ABCC2: variants seen among roughly 807,000 people sequenced by gnomAD.
ABCC2 encodes ATP-binding cassette sub-family C member 2.
A neutral mutation model predicts 173.4 loss-of-function variants in ABCC2; 157 were observed. The ratio of observed to expected loss-of-function variants is 0.91; its 90% CI spans 0.80 to 1.03. ABCC2 has a LOEUF of 1.03. Ranked by LOEUF, ABCC2 falls within the 50% of genes least tolerant of loss-of-function variation. ABCC2 has a pLI of 0.00. For missense variants in ABCC2, 1,822 were observed against 1,852.3 expected (o/e 0.98, Z 0.30); for synonymous variants, 657 against 693.5 (o/e 0.95, Z 0.83).
At chr10:99,831,956 C>A (rs764515783) in intron 22 of ABCC2, 21 bp from the exon 23 acceptor site, 3 of 1,614,212 alleles carry the variant, frequency 1.9e-6, no homozygotes, top group South Asian at 2.2e-5. Flanking sequence ...ATGGTGCTGA[C>A]AAAACTGCTT....
At chr10:99,849,722 A>C (rs910702929) in intron 30 of ABCC2, among the ~76,000 whole-genome samples, 3 of 152,220 alleles carry the variant, frequency 2.0e-5, no homozygotes, top group Non-Finnish European at 2.9e-5. Context: ...CTTACATTAC[A>C]GGGGAAAACT....
rs768107772 is a variant in ABCC2 at position 99,794,394 on chromosome 10, A to AT, written c.577-12dup. The stretch of plus-strand genomic sequence containing the variant: ...CTGTCTCCAATTGGTTTACATTTCG[A>AT]TTTTTTTGTGTCTTTCAGAATCCAT... On this transcript the variant is annotated intron_variant, in intron 5 of 31. Coordinates refer to ENST00000647814, the MANE Select transcript of ABCC2 (RefSeq NM_000392.5). 1.9e-6 allele frequency: 3 copies of AT among 1,612,022 alleles called. No homozygotes were observed. In the Admixed American group the frequency reaches 5.0e-5, roughly 27 times the overall value.
At position 99,797,268 on chromosome 10, in the gene ABCC2, C is replaced by A; in HGVS notation, c.804C>A (p.Asn268Lys). ...QRRQEKSSQQNSGARLPGLNK... is the reference protein window; with the variant it reads ...QRRQEKSSQQKSGARLPGLNK... ...GGCAGGAGAAGAGCTCCCAGCAGAA[C>A]TCTGGAGCCAGGCTGCCTGGCTTGA... The change falls in exon 7 of 32, where the codon AAC becomes AAA. Residue 268 changes from asparagine to lysine, a missense_variant. Physicochemically the swap from Asn to Lys is moderately conservative, Grantham distance 94 (BLOSUM62 0). Coordinates refer to ENST00000647814, the MANE Select transcript of ABCC2 (RefSeq NM_000392.5). 1 of 1,614,030 alleles carries A rather than the reference C, an allele frequency of 6.2e-7. No individual in the cohort carries two copies. The highest frequency in any genetic ancestry group is 8.5e-7 in the Non-Finnish European group (1 of 1,179,964).
rs1055485523 is a variant in ABCC2 at position 99,813,077 on chromosome 10, G to A, written c.2027G>A (p.Gly676Glu). The A allele has an allele frequency of 1.9e-6, 3 of 1,614,042 alleles. No homozygotes were observed. The Admixed American group carries it at 5.0e-5, about 27-fold the overall frequency. The stretch of plus-strand genomic sequence containing the variant: ...GCTGTGATAGGCCCTGTCGGCTCTG[G>A]GAAATCCTCCTTGATATCAGCCATG... ...LVAVIGPVGS[G>E]KSSLISAMLG... Residue 676 changes from glycine to glutamate, a missense_variant, in exon 16 of 32, where the codon GGG (glycine) becomes GAG (glutamate). By Grantham distance (98) the Gly-to-Glu change is moderately conservative. Transcript: ENST00000647814.
chr10:99,818,739 T>C, intron 17 of ABCC2, 51 bp from the exon 18 acceptor site: 1 of 1,602,804 alleles, frequency 6.2e-7, no homozygotes, highest in Non-Finnish European at 8.5e-7. Flanking sequence ...TTAGATTCTG[T>C]GAAGGTGGAT....
At chr10:99,792,177 T>C in intron 2 of ABCC2, 57 bp from the exon 3 acceptor site, 1 of 1,608,998 alleles carries the variant, frequency 6.2e-7, no homozygotes, top group Non-Finnish European at 8.5e-7. Context: ...ACCATTCTGT[T>C]CTAAGAGCCT....
chr10:99,814,223 A>G (rs573859127), intron 16 of ABCC2, among the ~76,000 whole-genome samples: 2,536 of 70,142 alleles, frequency 0.036, 479 homozygotes, highest in Middle Eastern at 0.073. Context: ...GTGTATATAT[A>G]CACACATGTG....
rs1018285054 is a variant in ABCC2 at position 99,850,717 on chromosome 10, A to G, written c.4429A>G (p.Thr1477Ala). ...VDLETDNLIQ[T>A]TIQNEFAHCT... ...TCTAGAGACAGACAACCTCATTCAG[A>G]CGACCATCCAAAACGAGTTCGCCCA... The change falls in exon 31 of 32, where the codon ACG (threonine) becomes GCG (alanine). Residue 1477 changes from threonine to alanine, a missense_variant. By Grantham distance (58) the Thr-to-Ala change is moderately conservative. Coordinates refer to ENST00000647814, the MANE Select transcript of ABCC2 (RefSeq NM_000392.5). 43 of 1,614,062 alleles carry G rather than the reference A, an allele frequency of 2.7e-5. No homozygotes were observed. Among genetic ancestry groups the G allele is most frequent in the Middle Eastern group, 1.6e-4 (1 of 6,084 alleles).
chr10:99,819,234 T>A lies in ABCC2; in HGVS notation c.2585T>A (p.Phe862Tyr), dbSNP rs764373164. 2 of 1,614,026 alleles carry A rather than the reference T, an allele frequency of 1.2e-6. No homozygotes were observed. The highest frequency in any genetic ancestry group is 4.5e-5 in the East Asian group (2 of 44,874). The change falls in exon 19 of 32, where the codon TTT becomes TAT. Residue 862 changes from phenylalanine to tyrosine, a missense_variant. Physicochemically the swap from Phe to Tyr is conservative, Grantham distance 22. Coordinates refer to ENST00000647814, the MANE Select transcript of ABCC2 (RefSeq NM_000392.5). ...GAGTTTGCTAAGAATCTGAAGACAT[T>A]TCTAAGACATACAGGCCCTGAAGAG... The part of the protein sequence containing the change: ...KGEFAKNLKT[F>Y]LRHTGPEEEA...
In ABCC2 at chr10:99,797,480, C is replaced by T. The variant is rs7922864; in HGVS notation, c.867+149C>T. The T allele has an allele frequency of 2.2e-3, 1,583 of 727,920 alleles. 17 individuals are homozygous for T. In the African/African-American group the frequency reaches 0.023, roughly 10 times the overall value. 45.1% of individuals were successfully genotyped at this position (727,920 alleles called of 1,614,324 possible). A position where few individuals can be genotyped will look rare whatever the true frequency, so the allele number is the denominator to read the frequency against. ...ATTAATGGTATTCACAATACTGATACTACCTTAGTGATGGATACATGGCGT... is the reference window on the plus strand; with the variant it reads ...ATTAATGGTATTCACAATACTGATATTACCTTAGTGATGGATACATGGCGT... On this transcript the variant is annotated intron_variant, in intron 7 of 31. Transcript: ENST00000647814.
At chr10:99,820,031 G>A (rs1430811929) in intron 19 of ABCC2, among the ~76,000 whole-genome samples, 1 of 152,212 alleles carries the variant, frequency 6.6e-6, no homozygotes, top group Non-Finnish European at 1.5e-5. Flanking sequence ...AGATGAGGGA[G>A]TAGCTACACA....
rs749193170 is a variant in ABCC2 at position 99,800,420 on chromosome 10, T to C, written c.1066T>C (p.Tyr356His). The C allele has an allele frequency of 6.2e-7, 1 of 1,614,162 alleles. No homozygotes were observed. The highest frequency in any genetic ancestry group is 1.7e-5 in the Admixed American group (1 of 60,008). The change falls in exon 9 of 32, where the codon TAT (tyrosine) becomes CAT (histidine). Residue 356 changes from tyrosine (Y) to histidine (H), a missense_variant. Physicochemically the swap from Tyr to His is moderately conservative, Grantham distance 83. Transcript: ENST00000647814. ...LISFASDRDTYLWIGYLCAIL... is the reference protein window; with the variant it reads ...LISFASDRDTHLWIGYLCAIL... Reference sequence around the variant, plus strand: ...CTCCTTTGCAAGTGACCGTGACACATATTTGTGGATTGGATATCTCTGTGC... The same window carrying C: ...CTCCTTTGCAAGTGACCGTGACACACATTTGTGGATTGGATATCTCTGTGC...
intron 9 of ABCC2, among the ~76,000 whole-genome samples, chr10:99,802,237 A>C (rs1045890585): frequency 3.9e-5 from 6 of 152,356 alleles, no homozygotes; most frequent in Non-Finnish European, 8.8e-5. Flanking sequence ...GAGTGGAAGA[A>C]AATTACTAAT....
At chr10:99,809,824 G>T (rs1392757201) in intron 13 of ABCC2, among the ~76,000 whole-genome samples, 1 of 152,198 alleles carries the variant, frequency 6.6e-6, no homozygotes, top group African/African-American at 2.4e-5. Context: ...AAAGCCAGGG[G>T]CCTAGTTACC....
chr10:99,850,618 C>T lies in ABCC2; in HGVS notation c.4330C>T (p.Leu1444=). The T allele has an allele frequency of 1.9e-6, 3 of 1,614,172 alleles. No individual in the cohort carries two copies. The highest frequency in any genetic ancestry group is 2.5e-6 in the Non-Finnish European group (3 of 1,180,026). Residue 1444 remains leucine (L), a synonymous_variant, in exon 31 of 32, where the codon CTG becomes TTG. Transcript: ENST00000647814. ...TGGCTGCAGCATAGGCCAGAGGCAGCTGCTGTGCCTGGGCAGGGCTCTGCT... is the reference window on the plus strand; with the variant it reads ...TGGCTGCAGCATAGGCCAGAGGCAGTTGCTGTGCCTGGGCAGGGCTCTGCT... The part of the protein sequence containing the change: ...GGNLSIGQRQ[L]LCLGRALLRK...
rs760356661 is a variant in ABCC2 at position 99,834,496 on chromosome 10, C to G, written c.3375C>G (p.Ile1125Met). The G allele has an allele frequency of 6.2e-7, 1 of 1,614,178 alleles. No homozygotes were observed. The highest frequency in any genetic ancestry group is 1.3e-5 in the African/African-American group (1 of 75,024). ...GCATGGCCACTCCTGTCTTCACCAT[C>G]ATCGTCATTCCTCTTGGCATTATTT... ...MICMATPVFTIIVIPLGIIYV... is the reference protein window; with the variant it reads ...MICMATPVFTMIVIPLGIIYV... The change falls in exon 24 of 32, where the codon ATC becomes ATG. Residue 1125 changes from isoleucine (I) to methionine (M), a missense_variant. Transcript: ENST00000647814.
At chr10:99,795,797 A>AGATAGAT (rs1564672506) in intron 6 of ABCC2, among the ~76,000 whole-genome samples, 9 of 45,632 alleles carry the variant, frequency 2.0e-4, no homozygotes, top group Admixed American at 1.4e-3. Flanking sequence ...GAAAGAAAGA[A>AGATAGAT]AGAAAGATTT....
At chr10:99,787,122 C>T (rs1318575376) in intron 2 of ABCC2, among the ~76,000 whole-genome samples, 2 of 150,780 alleles carry the variant, frequency 1.3e-5, no homozygotes, top group African/African-American at 4.9e-5. Context: ...GAGCCAAGAT[C>T]GTGCCACTGC....
chr10:99,802,496 GTTGT>G lies in ABCC2; in HGVS notation c.1210-1520_1210-1517del, dbSNP rs1478148092. ...GAAGGGCAATTAGATGTTGTTAGTT[GTTGT>G]TTTTTTTTTTTTCCCCTCTTCCATA... is the stretch of plus-strand genomic sequence containing the variant. On this transcript the variant is annotated intron_variant, in intron 9 of 31. Coordinates refer to ENST00000647814, the MANE Select transcript of ABCC2 (RefSeq NM_000392.5). 8.2e-3 allele frequency among the ~76,000 whole-genome samples: 238 copies of G among 29,098 alleles called. 1 individual carries two copies. In the South Asian group the frequency reaches 0.096, roughly 12 times the overall value. 19.1% of individuals were successfully genotyped at this position (29,098 alleles called of 152,430 possible).
Sources: gnomAD v4.1 joint callset for allele counts (sites outside exome capture counted in the v4.1 genomes callset) on GRCh38, gnomAD v4.1.1 for gene constraint, MANE v1.5 for transcripts, NCBI Gene and HGNC (gene_info 2026-07-23, HGNC 2026-07-21) for gene names.